ATP6V0A4: variants seen among roughly 807,000 people sequenced by gnomAD.
ATP6V0A4 encodes ATPase H+ transporting V0 subunit a4.
A neutral mutation model predicts 107.3 loss-of-function variants in ATP6V0A4; 86 were observed. The ratio of observed to expected loss-of-function variants is 0.80; its 90% CI spans 0.67 to 0.96. The LOEUF is 0.96. Ranked by LOEUF, ATP6V0A4 falls within the 40% of genes least tolerant of loss-of-function variation. The probability of loss-of-function intolerance (pLI) is 0.00; values close to 1 mark genes in which losing one functional copy is unlikely to be tolerated. For synonymous variants in ATP6V0A4, 353 were observed against 381.4 expected (o/e 0.93, Z 0.87); for missense variants, 908 against 1,045.6 (o/e 0.87, Z 1.81).
At chr7:138,711,032 A>G (rs1031689829) in intron 20 of ATP6V0A4, among the ~76,000 whole-genome samples, 1 of 152,168 alleles carries the variant, frequency 6.6e-6, no homozygotes, top group Non-Finnish European at 1.5e-5. Flanking sequence ...GTTCAGGGGC[A>G]AATGCCACAC....
At chr7:138,732,769 G>A (rs966464299) in intron 17 of ATP6V0A4, 108 bp downstream of exon 17, 2 of 1,240,286 alleles carry the variant, frequency 1.6e-6, no homozygotes, top group African/African-American at 3.1e-5. Context: ...ACTCCAGCCT[G>A]GGTGACAGAG....
At position 138,706,627 on chromosome 7, in the gene ATP6V0A4, C is replaced by T. The variant is rs200276098; in HGVS notation, c.2520G>A (p.Glu840=). Residue 840 remains glutamate (E), a synonymous_variant, in exon 22 of 22, where the codon GAG becomes GAA. Transcript: ENST00000310018. Reference sequence around the variant, plus strand: ...CGTGGGAGGTGCAGCCCTCAGCCTACTCCTCGGCTGTGCCATCCAGGATGT... The same window carrying T: ...CGTGGGAGGTGCAGCCCTCAGCCTATTCCTCGGCTGTGCCATCCAGGATGT... ...FKHILDGTAE[E] is the part of the protein sequence containing the mutation. 1.2e-6 allele frequency: 2 copies of T among 1,613,936 alleles called. No individual in the cohort carries two copies. Among genetic ancestry groups the T allele is most frequent in the African/African-American group, 1.3e-5 (1 of 75,026 alleles).
At chr7:138,784,659 C>T (rs1808102174) in intron 2 of ATP6V0A4, among the ~76,000 whole-genome samples, 1 of 152,078 alleles carries the variant, frequency 6.6e-6, no homozygotes, top group Non-Finnish European at 1.5e-5. Context: ...CAACTCAAAA[C>T]TTTGAAGGAA....
chr7:138,745,418 T>C (rs1017436137), intron 13 of ATP6V0A4, 138 bp from the exon 14 acceptor site: 7 of 1,278,608 alleles, frequency 5.5e-6, no homozygotes, highest in Admixed American at 3.6e-5. Flanking sequence ...CAGACATCAA[T>C]CATCCAGACA....
chr7:138,736,835 TGCTGGGATTACAGGTGTGAGCCATCGC>T (rs1805348349), intron 15 of ATP6V0A4, among the ~76,000 whole-genome samples: 1 of 151,898 alleles, frequency 6.6e-6, no homozygotes, highest in Non-Finnish European at 1.5e-5. Context: ...CCTCCCAAAG[TGCTGGGATTACAGGTGTGAGCCATCGC>T]GCCCGGCCTA....
chr7:138,772,534 G>A (rs139066372), intron 2 of ATP6V0A4, among the ~76,000 whole-genome samples: 56 of 152,246 alleles, frequency 3.7e-4, no homozygotes, highest in Non-Finnish European at 6.9e-4. Context: ...AGTCATAAGT[G>A]TGTATTGACA....
At chr7:138,796,849 A>G (rs1225129461) in intron 1 of ATP6V0A4, among the ~76,000 whole-genome samples, 1 of 150,110 alleles carries the variant, frequency 6.7e-6, no homozygotes, top group African/African-American at 2.4e-5. Flanking sequence ...TCCAGTGCCT[A>G]GGATGAGACC....
At chr7:138,778,516 G>C (rs1413917281) in intron 2 of ATP6V0A4, among the ~76,000 whole-genome samples, 2 of 151,990 alleles carry the variant, frequency 1.3e-5, no homozygotes, top group African/African-American at 4.8e-5. Flanking sequence ...TTTCAGATAA[G>C]GGACAGATAA....
intron 2 of ATP6V0A4, among the ~76,000 whole-genome samples, chr7:138,781,237 T>C (rs996532844): frequency 6.6e-6 from 1 of 152,230 alleles, no homozygotes; most frequent in Non-Finnish European, 1.5e-5. Flanking sequence ...TGCTGGTCCT[T>C]ATGAACAGGT....
chr7:138,795,930 C>T (rs1395030032), intron 1 of ATP6V0A4, among the ~76,000 whole-genome samples: 4 of 152,188 alleles, frequency 2.6e-5, no homozygotes, highest in African/African-American at 7.2e-5. Flanking sequence ...GTTGGGATGA[C>T]AGGCGTGTGC....
At chr7:138,746,109 A>C (rs571588613) in intron 13 of ATP6V0A4, among the ~76,000 whole-genome samples, 1 of 109,314 alleles carries the variant, frequency 9.1e-6, no homozygotes, top group African/African-American at 3.0e-5. Context: ...CTGAAGTGCA[A>C]GCAAGGCCTC....
chr7:138,787,767 G>A (rs542607831), intron 1 of ATP6V0A4, among the ~76,000 whole-genome samples: 2 of 152,314 alleles, frequency 1.3e-5, no homozygotes, highest in South Asian at 4.1e-4. Flanking sequence ...AGAGACTGAG[G>A]CGGAAGGATC....
intron 19 of ATP6V0A4, among the ~76,000 whole-genome samples, chr7:138,721,314 A>G (rs1235135789): frequency 1.5e-4 from 23 of 152,094 alleles, no homozygotes; most frequent in Admixed American, 1.4e-3. Flanking sequence ...CGAGGCAGGC[A>G]GATCACCTGA....
intron 15 of ATP6V0A4, among the ~76,000 whole-genome samples, chr7:138,736,271 T>G (rs1805319348): frequency 6.6e-6 from 1 of 152,036 alleles, no homozygotes; most frequent in Non-Finnish European, 1.5e-5. Flanking sequence ...AAAAGAAAAT[T>G]TTAAAATGTT....
intron 19 of ATP6V0A4, among the ~76,000 whole-genome samples, chr7:138,717,800 T>G (rs1044770798): frequency 1.4e-5 from 2 of 142,990 alleles, no homozygotes; most frequent in Non-Finnish European, 3.0e-5. Flanking sequence ...CCCAGCTACT[T>G]GGGAGGCTGA....
At chr7:138,733,871 T>C (rs954340141) in intron 16 of ATP6V0A4, among the ~76,000 whole-genome samples, 1 of 152,130 alleles carries the variant, frequency 6.6e-6, no homozygotes, top group African/African-American at 2.4e-5. Flanking sequence ...ACACCGCACC[T>C]GGCCTCCAGT....
chr7:138,783,879 T>C (rs374167069), intron 2 of ATP6V0A4, among the ~76,000 whole-genome samples: 2 of 152,308 alleles, frequency 1.3e-5, no homozygotes, highest in African/African-American at 4.8e-5. Context: ...ATAGCATTGC[T>C]GATTCTTGGA....
intron 2 of ATP6V0A4, among the ~76,000 whole-genome samples, chr7:138,781,424 G>A (rs1285598465): frequency 6.6e-6 from 1 of 151,514 alleles, no homozygotes; most frequent in Non-Finnish European, 1.5e-5. Context: ...TCCACCTCCT[G>A]GGTTCAAACA....
chr7:138,793,661 A>G (rs1808527471), intron 1 of ATP6V0A4, among the ~76,000 whole-genome samples: 1 of 152,196 alleles, frequency 6.6e-6, no homozygotes, highest in African/African-American at 2.4e-5. Flanking sequence ...TCATCAAAGT[A>G]TATTCGCAGG....
Sources: allele counts gnomAD v4.1 joint callset (sites outside exome capture counted in the v4.1 genomes callset), GRCh38; gene constraint gnomAD v4.1.1; transcripts MANE v1.5; gene names NCBI Gene and HGNC (gene_info 2026-07-23, HGNC 2026-07-21).